The following COL4A1 variants were observed in gnomAD, a reference collection of about 807,000 sequenced individuals.
COL4A1 encodes the protein collagen type IV alpha 1 chain.
COL4A1 carries 40 observed loss-of-function variants against 216.6 expected under a neutral mutation model. The observed-to-expected ratio is 0.18, with a 90% CI of 0.14 to 0.24. The LOEUF is 0.24. Among genes scored for constraint, COL4A1 ranks in the 10% least tolerant of loss-of-function variants. The pLI, the probability that COL4A1 is intolerant of heterozygous loss-of-function variation, is 1.00. For missense variants in COL4A1, 1,628 were observed against 2,196.8 expected, an observed-to-expected ratio of 0.74 and a Z score of 5.18; for synonymous variants, 839 against 810.7, an observed-to-expected ratio of 1.03 and a Z score of -0.59.
At chr13:110,220,193 C>T (rs1880407743) in intron 2 of COL4A1, among the ~76,000 whole-genome samples, 1 of 152,040 alleles carries the variant, frequency 6.6e-6, no homozygotes, top group Non-Finnish European at 1.5e-5. Flanking sequence ...CCGCCTTGTC[C>T]TCCTAAAGTG....
intron 1 of COL4A1, among the ~76,000 whole-genome samples, chr13:110,280,901 G>A (rs1307926245): frequency 6.6e-6 from 1 of 151,698 alleles, no homozygotes; most frequent in East Asian, 1.9e-4. Flanking sequence ...CTCTGCCTTT[G>A]TGTTCAATAT....
chr13:110,158,892 A>T (rs767902339), intron 49 of COL4A1, among the ~76,000 whole-genome samples: 2 of 151,984 alleles, frequency 1.3e-5, no homozygotes, highest in Non-Finnish European at 2.9e-5. Flanking sequence ...ACAGGCATGT[A>T]ACACCACACC....
chr13:110,209,620 A>T (rs1242328274), intron 10 of COL4A1, among the ~76,000 whole-genome samples, 193 bp from the exon 11 acceptor site: 6 of 151,972 alleles, frequency 3.9e-5, no homozygotes, highest in African/African-American at 1.5e-4. Flanking sequence ...ACCAATACCA[A>T]TCCATCTCCC....
chr13:110,297,688 G>C (rs7983906), intron 1 of COL4A1, among the ~76,000 whole-genome samples: 1 of 152,042 alleles, frequency 6.6e-6, no homozygotes, highest in South Asian at 2.1e-4. Flanking sequence ...AATTTTCAAC[G>C]TAACATCTAT....
chr13:110,247,982 T>A (rs946914073), intron 1 of COL4A1, among the ~76,000 whole-genome samples: 4 of 152,132 alleles, frequency 2.6e-5, no homozygotes, highest in Non-Finnish European at 4.4e-5. Flanking sequence ...CTGCTTTTGA[T>A]GGAAGATAGA....
intron 2 of COL4A1, among the ~76,000 whole-genome samples, chr13:110,238,247 T>C (rs1881411943): frequency 1.3e-5 from 2 of 152,244 alleles, no homozygotes; most frequent in Non-Finnish European, 1.5e-5. Context: ...CAGTTGTCAC[T>C]ACTCACTAGA....
intron 50 of COL4A1, among the ~76,000 whole-genome samples, chr13:110,152,720 GC>G (rs1250913536): frequency 6.6e-6 from 1 of 152,256 alleles, no homozygotes; most frequent in Non-Finnish European, 1.5e-5. Flanking sequence ...GCTCAGCATG[GC>G]CCCAGGGATC....
chr13:110,261,705 T>C (rs1882835060), intron 1 of COL4A1, among the ~76,000 whole-genome samples: 1 of 152,202 alleles, frequency 6.6e-6, no homozygotes, highest in Non-Finnish European at 1.5e-5. Flanking sequence ...TGAGGGCGCT[T>C]CCTGTGAGCT....
chr13:110,186,541 A>G lies in COL4A1; in HGVS notation c.1741T>C (p.Leu581=), dbSNP rs1226060460. 4 of 1,614,012 alleles carry G rather than the reference A, an allele frequency of 2.5e-6. No individual in the cohort carries two copies. The highest frequency in any genetic ancestry group is 3.4e-6 in the Non-Finnish European group (4 of 1,180,000). Residue 581 remains leucine (L), a synonymous_variant, in exon 26 of 52, where the codon TTG becomes CTG. Coordinates refer to ENST00000375820, the MANE Select transcript of COL4A1 (RefSeq NM_001845.6). The part of the protein sequence containing the change: ...GPKGSPGSVG[L]KGERGPPGGV... ...CCAGGGGGGCCACGCTCTCCTTTCA[A>G]TCCTACAGAACCCTGATGTGAGAAG...
Position 110,212,409 on chromosome 13 carries a change from G to C in COL4A1, c.387+8C>G. On this transcript the variant is annotated splice_region_variant and intron_variant, in intron 6 of 51. Transcript: ENST00000375820. Reference sequence around the variant, plus strand: ...ACACAAAAAGGAGGGTCTCGGTTCTGGATTTACCTTTGTGCCATTGCATCC... The same window carrying C: ...ACACAAAAAGGAGGGTCTCGGTTCTCGATTTACCTTTGTGCCATTGCATCC... The C allele has an allele frequency of 6.2e-7, 1 of 1,613,310 alleles. No individual in the cohort carries two copies. The highest frequency in any genetic ancestry group is 8.5e-7 in the Non-Finnish European group (1 of 1,179,964).
At chr13:110,293,947 TC>T (rs1876372780) in intron 1 of COL4A1, among the ~76,000 whole-genome samples, 1 of 152,220 alleles carries the variant, frequency 6.6e-6, no homozygotes, top group Admixed American at 6.5e-5. Context: ...GATTCATTTA[TC>T]CCTAACTCAC....
At chr13:110,192,128 G>A (rs1878655593) in intron 24 of COL4A1, 86 bp downstream of exon 24, 1 of 1,379,672 alleles carries the variant, frequency 7.2e-7, no homozygotes, top group Admixed American at 1.7e-5. Context: ...CAGAAGCCAT[G>A]CTTGCAAATG....
chr13:110,276,410 C>T (rs1202395350), intron 1 of COL4A1, among the ~76,000 whole-genome samples: 1 of 152,074 alleles, frequency 6.6e-6, no homozygotes, highest in African/African-American at 2.4e-5. Context: ...CTGTTAGGCC[C>T]CTGGGGAATG....
chr13:110,232,716 G>A (rs1396116627), intron 2 of COL4A1, among the ~76,000 whole-genome samples: 2 of 152,088 alleles, frequency 1.3e-5, no homozygotes, highest in African/African-American at 4.8e-5. Context: ...AGAGTGCTCT[G>A]GGCTTTAAAA....
chr13:110,198,724 T>A, intron 20 of COL4A1, 93 bp from the exon 21 acceptor site: 5 of 1,536,766 alleles, frequency 3.3e-6, no homozygotes, highest in Non-Finnish European at 4.5e-6. Context: ...AAGGTAAAAA[T>A]CCAACCAGAC....
chr13:110,171,772 C>T (rs1354551354), intron 41 of COL4A1, among the ~76,000 whole-genome samples: 1 of 152,178 alleles, frequency 6.6e-6, no homozygotes, highest in African/African-American at 2.4e-5. Flanking sequence ...TGCGGGATCA[C>T]ATGGCAAGGT....
intron 1 of COL4A1, among the ~76,000 whole-genome samples, chr13:110,254,275 A>G (rs1882415388): frequency 6.6e-6 from 1 of 152,204 alleles, no homozygotes; most frequent in African/African-American, 2.4e-5. Context: ...CAAATGGTCT[A>G]GCTTAATGCC....
chr13:110,240,323 G>T (rs574487781), intron 2 of COL4A1, among the ~76,000 whole-genome samples: 1 of 152,364 alleles, frequency 6.6e-6, no homozygotes, highest in South Asian at 2.1e-4. Flanking sequence ...CCTGGCCTAG[G>T]TCCCTTGGTG....
At chr13:110,164,748 G>A (rs1877255945) in intron 46 of COL4A1, 114 bp downstream of exon 46, 2 of 1,426,992 alleles carry the variant, frequency 1.4e-6, no homozygotes, top group South Asian at 2.7e-5. Flanking sequence ...ATATTCATAT[G>A]TGTGTGTATA....
Sources: gnomAD v4.1 joint callset for allele counts (sites outside exome capture counted in the v4.1 genomes callset) on GRCh38, gnomAD v4.1.1 for gene constraint, MANE v1.5 for transcripts, NCBI Gene and HGNC (gene_info 2026-07-23, HGNC 2026-07-21) for gene names.